The following HCN1 variants were observed in gnomAD, a reference collection of about 807,000 sequenced individuals.
The protein encoded by HCN1 is potassium/sodium hyperpolarization-activated cyclic nucleotide-gated channel 1.
HCN1 carries 13 observed loss-of-function variants against 78.9 expected under a neutral mutation model. The ratio of observed to expected loss-of-function variants is 0.16; its 90% CI spans 0.11 to 0.26. The LOEUF (loss-of-function observed/expected upper bound fraction) is 0.26. Among genes scored for constraint, HCN1 ranks in the 10% least tolerant of loss-of-function variants. The pLI is 1.00. For synonymous variants in HCN1, 552 were observed against 455.5 expected, an observed-to-expected ratio of 1.21 and a Z score of -2.70; for missense variants, 810 against 1,154.3, an observed-to-expected ratio of 0.70 and a Z score of 4.32.
intron 2 of HCN1, among the ~76,000 whole-genome samples, chr5:45,494,915 T>G (rs1221228538): frequency 4.0e-5 from 6 of 148,688 alleles, no homozygotes; most frequent in Non-Finnish European, 9.0e-5. Context: ...GTTGTAGATA[T>G]GTGGCATTAT....
intron 1 of HCN1, among the ~76,000 whole-genome samples, chr5:45,693,389 T>A (rs1739951146): frequency 6.6e-6 from 1 of 152,158 alleles, no homozygotes; most frequent in African/African-American, 2.4e-5. Flanking sequence ...TATCTTTCAG[T>A]TTAAAAAGAT....
At chr5:45,555,623 G>A (rs1024677640) in intron 2 of HCN1, among the ~76,000 whole-genome samples, 2 of 151,580 alleles carry the variant, frequency 1.3e-5, no homozygotes, top group South Asian at 4.2e-4. Context: ...AACTGGAGGA[G>A]TCATATTACC....
chr5:45,690,128 G>C (rs1439105935), intron 1 of HCN1, among the ~76,000 whole-genome samples: 2 of 152,012 alleles, frequency 1.3e-5, no homozygotes, highest in African/African-American at 4.8e-5. Flanking sequence ...CAACAAAGCT[G>C]ATAGTCTAAA....
At chr5:45,492,287 A>C (rs1316335927) in intron 2 of HCN1, among the ~76,000 whole-genome samples, 3 of 142,510 alleles carry the variant, frequency 2.1e-5, no homozygotes, top group Non-Finnish European at 3.1e-5. Flanking sequence ...TCTCACCAAA[A>C]CTCTGTGTAT....
chr5:45,469,351 C>T (rs1367122794), intron 2 of HCN1, among the ~76,000 whole-genome samples: 8 of 151,808 alleles, frequency 5.3e-5, no homozygotes, highest in Admixed American at 5.3e-4. Context: ...AATGACCCTA[C>T]TAAGAAGAAA....
chr5:45,406,231 T>A lies in HCN1; in HGVS notation c.1012-9521A>T, dbSNP rs142022304. Among the ~76,000 whole-genome samples, 48 of 152,256 alleles carry A rather than the reference T, an allele frequency of 3.2e-4. 1 individual carries two copies. The East Asian group carries it at 7.1e-3, about 23-fold the overall frequency. The stretch of plus-strand genomic sequence containing the variant: ...TTAGCTTTTCAAGTAAATCAAATAT[T>A]TCTATGGGGTACCTCTTTGTTAACA... On this transcript the variant is annotated intron_variant, in intron 3 of 7. Coordinates refer to ENST00000303230, the MANE Select transcript of HCN1 (RefSeq NM_021072.4).
rs1403588803 is a variant in HCN1 at position 45,262,353 on chromosome 5, C to T, written c.2241G>A (p.Gln747=). The change falls in exon 8 of 8, where the codon CAG becomes CAA. Residue 747 remains glutamine, a synonymous_variant. Coordinates refer to ENST00000303230, the MANE Select transcript of HCN1 (RefSeq NM_021072.4). ...QVQQSQPPQT[Q]PQQPSPQPQT... ...GTGGCTGCGGGGACGGCTGCTGTGG[C>T]TGAGTCTGCGGCGGCTGGGACTGCT... The T allele has an allele frequency of 1.2e-6, 2 of 1,612,888 alleles. No individual in the cohort carries two copies. The highest frequency in any genetic ancestry group is 2.7e-5 in the African/African-American group (2 of 74,924).
chr5:45,262,101 G>A lies in HCN1; in HGVS notation c.2493C>T (p.Gly831=), dbSNP rs1561078950. ...TGACGCGCTGCGGGACAGTGCTCCT[G>A]CCCCCTGCCTGAAGGCCCGTTCCGG... ...AVPGTGLQAG[G]RSTVPQRVTL... Residue 831 remains glycine (G), a synonymous_variant, in exon 8 of 8, where the codon GGC becomes GGT. Coordinates refer to ENST00000303230, the MANE Select transcript of HCN1 (RefSeq NM_021072.4). 6.2e-7 allele frequency: 1 copy of A among 1,612,804 alleles called. No individual in the cohort carries two copies.
At chr5:45,473,978 T>C (rs146449973) in intron 2 of HCN1, among the ~76,000 whole-genome samples, 488 of 152,046 alleles carry the variant, frequency 3.2e-3, no homozygotes, top group Non-Finnish European at 3.8e-3. Flanking sequence ...ACTGCTTTCT[T>C]GGTTTCTGAA....
chr5:45,276,778 A>C (rs143764628), intron 6 of HCN1, among the ~76,000 whole-genome samples: 1 of 152,244 alleles, frequency 6.6e-6, no homozygotes, highest in South Asian at 2.1e-4. Context: ...ATCATTCATC[A>C]TAGAGTAATT....
intron 6 of HCN1, among the ~76,000 whole-genome samples, chr5:45,293,632 A>G (rs569976399): frequency 7.9e-5 from 12 of 151,980 alleles, no homozygotes; most frequent in Non-Finnish European, 1.6e-4. Flanking sequence ...TTTCTATTTT[A>G]TTAAAAAGAG....
At chr5:45,312,426 G>A (rs577895594) in intron 5 of HCN1, among the ~76,000 whole-genome samples, 2 of 152,318 alleles carry the variant, frequency 1.3e-5, no homozygotes, top group Admixed American at 1.3e-4. Flanking sequence ...CCAGTCTACA[G>A]CTCCCAGTGT....
chr5:45,529,178 C>G (rs377374879), intron 2 of HCN1, among the ~76,000 whole-genome samples: 3 of 151,912 alleles, frequency 2.0e-5, no homozygotes, highest in Non-Finnish European at 4.4e-5. Context: ...TTATCTGGTT[C>G]AATGCATCCA....
At chr5:45,674,638 A>G (rs1434482666) in intron 1 of HCN1, among the ~76,000 whole-genome samples, 2 of 151,700 alleles carry the variant, frequency 1.3e-5, no homozygotes, top group Non-Finnish European at 2.9e-5. Context: ...TAGTCATTAT[A>G]GATAAATTGA....
intron 3 of HCN1, among the ~76,000 whole-genome samples, chr5:45,450,976 T>C (rs1740903860): frequency 6.6e-6 from 1 of 152,198 alleles, no homozygotes; most frequent in African/African-American, 2.4e-5. Context: ...CTCCTACTTC[T>C]ATTCCTTTTT....
rs185907332 is a variant in HCN1 at position 45,344,881 on chromosome 5, C to T, written c.1377+8219G>A. On this transcript the variant is annotated intron_variant, in intron 5 of 7. Coordinates refer to ENST00000303230, the MANE Select transcript of HCN1 (RefSeq NM_021072.4). ...TTCTGGGGTCTGGAGGATGGTGGTC[C>T]TCTTCTCACAGCTCCACTAGGCAGT... Among the ~76,000 whole-genome samples, 1,253 of 152,200 alleles carry T rather than the reference C, an allele frequency of 8.2e-3. 72 individuals are homozygous for T. Among genetic ancestry groups the T allele is most frequent in the Admixed American group, 0.077 (1,175 of 15,286 alleles).
At chr5:45,638,936 T>C (rs1332290507) in intron 2 of HCN1, among the ~76,000 whole-genome samples, 1 of 152,158 alleles carries the variant, frequency 6.6e-6, no homozygotes, top group Non-Finnish European at 1.5e-5. Flanking sequence ...CTCATTACAT[T>C]GTACATTAAA....
At chr5:45,521,376 T>A in intron 2 of HCN1, among the ~76,000 whole-genome samples, 1 of 151,970 alleles carries the variant, frequency 6.6e-6, no homozygotes, top group East Asian at 1.9e-4. Flanking sequence ...ATTTATTGTA[T>A]CACAGTTCTG....
intron 2 of HCN1, among the ~76,000 whole-genome samples, chr5:45,517,838 ATGT>A (rs1182199858): frequency 2.0e-5 from 3 of 152,050 alleles, no homozygotes; most frequent in Admixed American, 1.3e-4. Context: ...CAATGAAATG[ATGT>A]TGTCCCCATA....
Sources: gnomAD v4.1 joint callset for allele counts (sites outside exome capture counted in the v4.1 genomes callset) on GRCh38, gnomAD v4.1.1 for gene constraint, MANE v1.5 for transcripts, NCBI Gene and HGNC (gene_info 2026-07-23, HGNC 2026-07-21) for gene names.